The following ARHGAP29 variants were observed in gnomAD, a reference collection of about 807,000 sequenced individuals.
ARHGAP29 encodes rho GTPase-activating protein 29.
Under a neutral mutation model 122.6 loss-of-function variants are expected in ARHGAP29, and 43 were observed. The observed-to-expected ratio is 0.35, with a 90% confidence interval of 0.27 to 0.45. The LOEUF is 0.45. Ranked by LOEUF, ARHGAP29 falls within the 20% of genes least tolerant of loss-of-function variation. The pLI is 1.00. For synonymous variants in ARHGAP29, 506 were observed against 497.1 expected (o/e 1.02, Z -0.24); for missense variants, 1,303 against 1,477.2 (o/e 0.88, Z 1.93).
At chr1:94,222,849 C>A (rs6541341) in intron 2 of ARHGAP29, among the ~76,000 whole-genome samples, 148,559 of 152,280 alleles carry the variant, frequency 0.98, 72,595 homozygotes, top group Middle Eastern at 1. Context: ...TAAATCTAAA[C>A]CTGTTCTAAA....
At chr1:94,241,844 G>A (rs919951789), upstream of ARHGAP29, among the ~76,000 whole-genome samples, 5 of 150,920 alleles carry the variant, frequency 3.3e-5, no homozygotes, top group Admixed American at 6.6e-5. Context: ...TTCAGACACC[G>A]AACTACACAC....
the ARHGAP29 span, among the ~76,000 whole-genome samples, chr1:94,289,683 T>C: frequency 6.6e-6 from 1 of 152,230 alleles, no homozygotes; most frequent in Non-Finnish European, 1.5e-5. Context: ...ACTAGTTTAT[T>C]GAGAGTTTTC....
the ARHGAP29 span, among the ~76,000 whole-genome samples, chr1:94,299,091 C>G: frequency 3.9e-5 from 6 of 152,210 alleles, no homozygotes; most frequent in Non-Finnish European, 5.9e-5. Flanking sequence ...CATTTCATCA[C>G]AAATGCTGGT....
At chr1:94,310,243 G>C in the ARHGAP29 span, among the ~76,000 whole-genome samples, 45 of 152,298 alleles carry the variant, frequency 3.0e-4, no homozygotes, top group South Asian at 9.3e-3. Flanking sequence ...AGTAGACAAA[G>C]AGCTCAAGCT....
At chr1:94,190,487 T>G (rs1650069120) in intron 12 of ARHGAP29, 1 of 155,434 alleles carries the variant, frequency 6.4e-6, no homozygotes, top group South Asian at 2.0e-4. Context: ...TTATTTAGAC[T>G]GTTTTCACTT....
the ARHGAP29 span, among the ~76,000 whole-genome samples, chr1:94,307,235 G>T: frequency 1.3e-5 from 2 of 152,124 alleles, no homozygotes; most frequent in Non-Finnish European, 2.9e-5. Context: ...CTAAACTGCA[G>T]ATTGATGCCA....
chr1:94,256,181 C>T (rs1276944984), intron 1 of ARHGAP29, among the ~76,000 whole-genome samples: 2 of 152,200 alleles, frequency 1.3e-5, no homozygotes, highest in African/African-American at 4.8e-5. Flanking sequence ...GCAGGACTCT[C>T]TCCGACATAC....
Position 94,174,648 on chromosome 1 carries a change from T to C in ARHGAP29, c.3007A>G (p.Thr1003Ala), listed in dbSNP as rs376576743. The change falls in exon 23 of 23, where the codon ACA becomes GCA. Residue 1003 changes from threonine (T) to alanine (A), a missense_variant. Around this residue, in one of 3 missense-constraint regions of ARHGAP29, gnomAD observed 620 missense variants for 651.2 expected, o/e 0.95. Coordinates refer to ENST00000260526, the MANE Select transcript of ARHGAP29 (RefSeq NM_004815.4). ...GGAGTATGCCTCTCCACATTGTTTG[T>C]TGACCTATCAGATTTCAGAGAAAGT... ...KPLSLKSDRS[T>A]NNVERHTPRT... 1.4e-5 allele frequency: 23 copies of C among 1,614,012 alleles called. No homozygotes were observed. The highest frequency in any genetic ancestry group is 1.6e-4 in the Middle Eastern group (1 of 6,084).
intron 1 of ARHGAP29, among the ~76,000 whole-genome samples, chr1:94,253,258 T>C (rs1272271732): frequency 6.6e-6 from 1 of 152,142 alleles, no homozygotes; most frequent in Non-Finnish European, 1.5e-5. Context: ...TGTGAGCCAC[T>C]GCGCCCGATC....
At chr1:94,197,296 T>C (rs999891551) in intron 12 of ARHGAP29, among the ~76,000 whole-genome samples, 4 of 151,774 alleles carry the variant, frequency 2.6e-5, no homozygotes, top group Admixed American at 6.6e-5. Flanking sequence ...AGCCACAAGC[T>C]ACCAAAAATC....
chr1:94,293,984 T>C, the ARHGAP29 span, among the ~76,000 whole-genome samples: 5 of 152,192 alleles, frequency 3.3e-5, no homozygotes, highest in African/African-American at 1.2e-4. Flanking sequence ...GTGACCAGCC[T>C]CCAACCAGAA....
intron 12 of ARHGAP29, chr1:94,192,211 C>T (rs1345081524): frequency 6.6e-6 from 1 of 152,126 alleles, no homozygotes. Flanking sequence ...CCGTCTCCCA[C>T]TGAATTCACC....
rs1033923226 is a variant in ARHGAP29 at position 94,172,151 on chromosome 1, G to A, written c.*1718C>T. 6.6e-6 allele frequency: 1 copy of A among 152,132 alleles called. No individual in the cohort carries two copies. Among genetic ancestry groups the A allele is most frequent in the African/African-American group, 2.4e-5 (1 of 41,436 alleles). 9.4% of individuals were successfully genotyped at this position (152,132 alleles called of 1,614,324 possible). A position where few individuals can be genotyped will look rare whatever the true frequency, so the allele number is the denominator to read the frequency against. ...AGATTTGACTCCACCTGTTACACCT[G>A]TGGAACACTGAAGCAAGTCATTTAA... On this transcript the variant is annotated 3_prime_UTR_variant, in exon 23 of 23. Transcript: ENST00000260526.
intron 22 of ARHGAP29, 78 bp from the exon 23 acceptor site, chr1:94,174,827 C>CT: frequency 4.9e-6 from 7 of 1,436,932 alleles, no homozygotes; most frequent in Non-Finnish European, 6.6e-6. Context: ...GATGAACACT[C>CT]TATCAAGACA....
At chr1:94,263,882 G>C (rs1030749216) in intron 1 of ARHGAP29, among the ~76,000 whole-genome samples, 1 of 152,122 alleles carries the variant, frequency 6.6e-6, no homozygotes, top group East Asian at 1.9e-4. Flanking sequence ...CCACATAATA[G>C]TTCATCTTCT....
chr1:94,240,567 A>G (rs1465608132), upstream of ARHGAP29, among the ~76,000 whole-genome samples: 1 of 152,254 alleles, frequency 6.6e-6, no homozygotes, highest in Non-Finnish European at 1.5e-5. Flanking sequence ...GAGTAAAACC[A>G]TCAGTATATC....
At chr1:94,181,097 G>C (rs947926887) in intron 19 of ARHGAP29, among the ~76,000 whole-genome samples, 11 of 152,164 alleles carry the variant, frequency 7.2e-5, no homozygotes, top group Non-Finnish European at 1.3e-4. Context: ...AATAGGAGAG[G>C]AGACAAAAGC....
At chr1:94,192,425 A>T (rs910586798) in intron 12 of ARHGAP29, 3 of 152,260 alleles carry the variant, frequency 2.0e-5, no homozygotes, top group Admixed American at 6.5e-5. Context: ...TTCTGGCCCA[A>T]GGAACAAAAG....
chr1:94,253,058 C>T (rs1218757880), intron 1 of ARHGAP29, among the ~76,000 whole-genome samples: 1 of 152,008 alleles, frequency 6.6e-6, no homozygotes, highest in Non-Finnish European at 1.5e-5. Context: ...GCAATCTCTG[C>T]CTCCTGGGTT....
Sources: allele counts gnomAD v4.1 joint callset (sites outside exome capture counted in the v4.1 genomes callset), GRCh38; gene constraint gnomAD v4.1.1; regional missense constraint gnomAD v4.1.1; transcripts MANE v1.5; gene names NCBI Gene and HGNC (gene_info 2026-07-23, HGNC 2026-07-21).